PLEKHS1: variants seen among roughly 807,000 people sequenced by gnomAD.
PLEKHS1 encodes the protein pleckstrin homology domain containing S1, also known as pleckstrin homology domain-containing family S member 1.
A neutral mutation model predicts 51.0 loss-of-function variants in PLEKHS1; 55 were observed. The ratio of observed to expected loss-of-function variants is 1.08; its 90% CI spans 0.87 to 1.35. The LOEUF (loss-of-function observed/expected upper bound fraction) is 1.35, where lower values mean the gene tolerates loss of function less well. Ranked by LOEUF, PLEKHS1 falls within the 40% of genes most tolerant of loss-of-function variation. PLEKHS1 has a pLI of 0.00. For missense variants in PLEKHS1, 398 were observed against 423.0 expected (o/e 0.94, Z 0.52); for synonymous variants, 153 against 144.8 (o/e 1.06, Z -0.41).
intron 2 of PLEKHS1, among the ~76,000 whole-genome samples, chr10:113,765,805 G>C (rs1844135902): frequency 6.6e-6 from 1 of 152,150 alleles, no homozygotes. Context: ...CAGGCTATAG[G>C]TTTAGTTTGT....
intron 8 of PLEKHS1, 129 bp from the exon 9 acceptor site, chr10:113,774,098 T>C (rs901445722): frequency 6.8e-6 from 4 of 592,060 alleles, no homozygotes; most frequent in African/African-American, 4.0e-5. Flanking sequence ...ATTTCTCAAA[T>C]GAGAACCACG....
At chr10:113,777,223 G>A in intron 11 of PLEKHS1, 1 of 1,612,838 alleles carries the variant, frequency 6.2e-7, no homozygotes, top group Non-Finnish European at 8.5e-7. Context: ...GCCTGGAGGA[G>A]GTCTCCCTGT....
rs1410031886 is a variant in PLEKHS1 at position 113,780,822 on chromosome 10, G to C, written c.*220G>C. ...TGGCAGCAGAACCAGGATGGAGCTG[G>C]GACTGTCCAGCTCTGCCCCCTGCTG... On this transcript the variant is annotated 3_prime_UTR_variant, in exon 12 of 12. Transcript: ENST00000361048. 6 of 1,525,194 alleles carry C rather than the reference G, an allele frequency of 3.9e-6. No individual in the cohort carries two copies. In the African/African-American group the frequency reaches 8.3e-5, roughly 21 times the overall value. The allele number at this position is 1,525,194 out of a possible 1,614,324, so 94.5% of individuals were successfully genotyped here.
At chr10:113,770,107 T>C (rs1258764289) in intron 7 of PLEKHS1, among the ~76,000 whole-genome samples, 1 of 152,246 alleles carries the variant, frequency 6.6e-6, no homozygotes, top group Non-Finnish European at 1.5e-5. Context: ...AGTGTATTCA[T>C]TCATTTTAGA....
In PLEKHS1 at chr10:113,755,524, C is replaced by G. The variant is rs1854069938; in HGVS notation, c.28+219C>G. Reference sequence around the variant, plus strand: ...AGCTCAAGTGATCCTCTAACCTCAGCCTCCCGAGGAGCTGGCACTACAGGC... The same window carrying G: ...AGCTCAAGTGATCCTCTAACCTCAGGCTCCCGAGGAGCTGGCACTACAGGC... On this transcript the variant is annotated intron_variant, in intron 2 of 11. Coordinates refer to ENST00000361048, the Ensembl canonical transcript of PLEKHS1. 3.5e-6 allele frequency: 3 copies of G among 866,294 alleles called. No homozygotes were observed. The Admixed American group carries it at 1.4e-4, about 40-fold the overall frequency. 53.7% of individuals were successfully genotyped at this position (866,294 alleles called of 1,614,324 possible). A position where few individuals can be genotyped will look rare whatever the true frequency, so the allele number is the denominator to read the frequency against.
intron 1 of PLEKHS1, 85 bp from the exon 2 acceptor site, chr10:113,755,174 C>T (rs1469911122): frequency 7.0e-7 from 1 of 1,436,304 alleles, no homozygotes; most frequent in Non-Finnish European, 9.4e-7. Flanking sequence ...GAGCACAATC[C>T]TGATACTCAC....
At chr10:113,774,995 T>C in exon 10 of PLEKHS1, 1 of 1,614,024 alleles carries the variant, frequency 6.2e-7, no homozygotes, top group East Asian at 2.2e-5. Flanking sequence ...CCAAAAGGGG[T>C]CGGCCTCACT....
chr10:113,774,272 A>C, exon 9 of PLEKHS1: 2 of 1,603,000 alleles, frequency 1.2e-6, no homozygotes, highest in South Asian at 2.3e-5. Flanking sequence ...ATCCATTGAA[A>C]CTGATGGTCC....
In PLEKHS1 at chr10:113,780,615, C is replaced by A. The variant is rs761585859; in HGVS notation, c.*13C>A. On this transcript the variant is annotated 3_prime_UTR_variant, in exon 12 of 12. Transcript: ENST00000361048. ...CTTGTGTTTTAGAAATTAAAGCTTA[C>A]CATCGGCAGGATCCCAAATTCAGAG... is the stretch of plus-strand genomic sequence containing the variant. The A allele has an allele frequency of 7.4e-6, 12 of 1,613,476 alleles. No homozygotes were observed. In the South Asian group the frequency reaches 1.3e-4, roughly 18 times the overall value.
At chr10:113,765,507 ATATATTGCCC>A (rs1844121834) in intron 2 of PLEKHS1, 1 of 712,740 alleles carries the variant, frequency 1.4e-6, no homozygotes. Context: ...GGGAGACAGT[ATATATTGCCC>A]TTTGGCTTAG....
chr10:113,768,769 C>T, intron 5 of PLEKHS1, 46 bp from the exon 6 acceptor site: 1 of 1,432,324 alleles, frequency 7.0e-7, no homozygotes, highest in Admixed American at 1.8e-5. Flanking sequence ...GTTCAAAAGG[C>T]ACTATTGTTG....
At chr10:113,776,093 A>G (rs1844643906) in intron 11 of PLEKHS1, among the ~76,000 whole-genome samples, 1 of 152,198 alleles carries the variant, frequency 6.6e-6, no homozygotes. Flanking sequence ...CAGGACCCAA[A>G]AGTTCAGGAA....
chr10:113,768,750 C>A, intron 5 of PLEKHS1, 65 bp from the exon 6 acceptor site: 1 of 1,289,878 alleles, frequency 7.8e-7, no homozygotes, highest in Non-Finnish European at 1.1e-6. Context: ...ATAAAAGAAT[C>A]CTTCTCTGGT....
chr10:113,768,820 A>G, exon 6 of PLEKHS1: 1 of 1,613,306 alleles, frequency 6.2e-7, no homozygotes, highest in Non-Finnish European at 8.5e-7. Flanking sequence ...AACAGGGAGA[A>G]GATTAAAGAC....
At chr10:113,753,258 G>C (rs1853932393) in intron 1 of PLEKHS1, among the ~76,000 whole-genome samples, 1 of 152,134 alleles carries the variant, frequency 6.6e-6, no homozygotes, top group African/African-American at 2.4e-5. Context: ...AGAGGGAAAG[G>C]TGATGGGTTG....
At position 113,753,792 on chromosome 10, in the gene PLEKHS1, T is replaced by C. The variant is rs555854229; in HGVS notation, c.-19-1467T>C. On this transcript the variant is annotated intron_variant, in intron 1 of 11. Coordinates refer to ENST00000361048, the Ensembl canonical transcript of PLEKHS1. The stretch of plus-strand genomic sequence containing the variant: ...CTTAGGATTTTCATCTCTGAACACA[T>C]ATATATATATATTTGTATTATATAT... Among the ~76,000 whole-genome samples the C allele has an allele frequency of 1.8e-4, 27 of 151,550 alleles. No individual in the cohort carries two copies. In the South Asian group the frequency reaches 4.4e-3, roughly 24 times the overall value.
intron 7 of PLEKHS1, 53 bp downstream of exon 7, chr10:113,769,953 C>A: frequency 1.5e-6 from 2 of 1,290,790 alleles, no homozygotes; most frequent in Non-Finnish European, 2.3e-6. Flanking sequence ...GCAGCTAATG[C>A]CTAAAAATCT....
At chr10:113,764,207 T>C (rs927733178) in intron 2 of PLEKHS1, among the ~76,000 whole-genome samples, 2 of 152,110 alleles carry the variant, frequency 1.3e-5, no homozygotes, top group Admixed American at 6.6e-5. Flanking sequence ...TTCAAGCCAT[T>C]CTCCTGCCTC....
intron 2 of PLEKHS1, among the ~76,000 whole-genome samples, chr10:113,758,001 G>A (rs1385665640): frequency 6.6e-6 from 1 of 152,064 alleles, no homozygotes; most frequent in Non-Finnish European, 1.5e-5. Flanking sequence ...TCTAATTCTA[G>A]TTCTCTTGTT....
Sources: allele counts gnomAD v4.1 joint callset (sites outside exome capture counted in the v4.1 genomes callset), GRCh38; gene constraint gnomAD v4.1.1; transcripts MANE v1.5; gene names NCBI Gene and HGNC (gene_info 2026-07-23, HGNC 2026-07-21).